The following SCAI variants were observed in gnomAD, a reference collection of about 807,000 sequenced individuals.
SCAI encodes protein SCAI.
A neutral mutation model predicts 92.2 loss-of-function variants in SCAI; 24 were observed. The ratio of observed to expected loss-of-function variants is 0.26; its 90% CI spans 0.19 to 0.37. The LOEUF (loss-of-function observed/expected upper bound fraction) is 0.37, where lower values mean the gene tolerates loss of function less well. Among genes scored for constraint, SCAI ranks in the 10% least tolerant of loss-of-function variants. The pLI is 1.00. For synonymous variants in SCAI, 261 were observed against 258.6 expected (o/e 1.01, Z -0.09); for missense variants, 450 against 736.2 (o/e 0.61, Z 4.50).
chr9:124,989,556 G>A (rs1361704486), intron 14 of SCAI, among the ~76,000 whole-genome samples: 1 of 152,100 alleles, frequency 6.6e-6, no homozygotes, highest in Non-Finnish European at 1.5e-5. Context: ...ACTCCAGCCT[G>A]GGTGACAAGA....
intron 3 of SCAI, 144 bp downstream of exon 3, chr9:125,055,732 T>C (rs1379580405): frequency 4.0e-6 from 2 of 501,944 alleles, no homozygotes; most frequent in South Asian, 4.6e-5. Flanking sequence ...TTAAAAATGA[T>C]GTCAAAGAAA....
chr9:125,098,221 A>AT lies in SCAI; in HGVS notation c.99-42215dup, dbSNP rs897843153. Among the ~76,000 whole-genome samples, 10 of 151,042 alleles carry AT rather than the reference A, an allele frequency of 6.6e-5. No homozygotes were observed. The East Asian group carries it at 9.7e-4, about 15-fold the overall frequency. ...AGATGCACACCACAACACCTGGATA[A>AT]TTTTTTTTTATTTTTTGGAGAGACT... On this transcript the variant is annotated intron_variant, in intron 2 of 17. Transcript: ENST00000336505.
At chr9:125,043,243 T>C (rs1181364499) in intron 3 of SCAI, among the ~76,000 whole-genome samples, 2 of 152,184 alleles carry the variant, frequency 1.3e-5, no homozygotes, top group Admixed American at 6.5e-5. Flanking sequence ...CCAACTTCTC[T>C]GAATCAGGTT....
chr9:125,063,814 C>T (rs978815837), intron 2 of SCAI, among the ~76,000 whole-genome samples: 6 of 150,160 alleles, frequency 4.0e-5, no homozygotes, highest in African/African-American at 1.5e-4. Flanking sequence ...AGTGCAATGG[C>T]GGGATCTCGG....
At chr9:125,015,267 G>T (rs1267174325) in intron 9 of SCAI, among the ~76,000 whole-genome samples, 1 of 152,058 alleles carries the variant, frequency 6.6e-6, no homozygotes, top group South Asian at 2.1e-4. Flanking sequence ...GGGAGAAAAT[G>T]TTCGCAACCT....
chr9:125,095,242 G>A (rs1834522563), intron 2 of SCAI, among the ~76,000 whole-genome samples: 1 of 152,164 alleles, frequency 6.6e-6, no homozygotes, highest in African/African-American at 2.4e-5. Context: ...GCTCCCTGTG[G>A]AGTCAGCTCC....
chr9:125,130,232 C>G (rs536556100), intron 2 of SCAI, among the ~76,000 whole-genome samples: 11 of 152,084 alleles, frequency 7.2e-5, no homozygotes, highest in Non-Finnish European at 1.6e-4. Context: ...CAAATTAACT[C>G]TATCAATTTA....
chr9:124,960,312 T>C (rs1385517321), intron 17 of SCAI, among the ~76,000 whole-genome samples: 1 of 152,104 alleles, frequency 6.6e-6, no homozygotes, highest in Non-Finnish European at 1.5e-5. Context: ...CACTGTAACA[T>C]GGAACTGCTG....
At chr9:125,050,666 G>A (rs996408760) in intron 3 of SCAI, among the ~76,000 whole-genome samples, 12 of 152,000 alleles carry the variant, frequency 7.9e-5, no homozygotes, top group African/African-American at 2.2e-4. Flanking sequence ...TCAAACCCCC[G>A]GGTTCAAGTG....
chr9:125,143,484 C>G lies in SCAI; in HGVS notation c.-47G>C. ...GAGCTGCTCCGGCGGCCGCAGGGCT[C>G]GCTCGGGAAGCTGAGGCGGCGGAGG... On this transcript the variant is annotated 5_prime_UTR_variant, in exon 1 of 18. Coordinates refer to ENST00000336505, the MANE Select transcript of SCAI (RefSeq NM_001144877.3). 1 of 1,316,092 alleles carries G rather than the reference C, an allele frequency of 7.6e-7. No homozygotes were observed. Among genetic ancestry groups the G allele is most frequent in the Non-Finnish European group, 9.7e-7 (1 of 1,032,188 alleles). 81.5% of individuals were successfully genotyped at this position (1,316,092 alleles called of 1,614,324 possible).
At chr9:125,141,075 C>T (rs944758485) in intron 2 of SCAI, among the ~76,000 whole-genome samples, 1 of 152,202 alleles carries the variant, frequency 6.6e-6, no homozygotes, top group East Asian at 1.9e-4. Context: ...AAAATACAGA[C>T]TCACATACCC....
At chr9:125,004,767 ATATATATATATATTTTTTTTTTT>A (rs1157733966) in intron 9 of SCAI, among the ~76,000 whole-genome samples, 16 of 7,444 alleles carry the variant, frequency 2.1e-3, no homozygotes, top group African/African-American at 5.4e-3. Flanking sequence ...ATATATATAT[ATATATATATATATTTTTTTTTTT>A]TTTTTTTTTT....
intron 2 of SCAI, among the ~76,000 whole-genome samples, chr9:125,132,019 G>T (rs548867954): frequency 6.6e-6 from 1 of 151,976 alleles, no homozygotes; most frequent in Non-Finnish European, 1.5e-5. Flanking sequence ...AAAGCAGTTT[G>T]GTCTATTTTT....
At chr9:125,022,550 T>C (rs12003454) in intron 6 of SCAI, among the ~76,000 whole-genome samples, 5,881 of 152,270 alleles carry the variant, frequency 0.039, 381 homozygotes, top group African/African-American at 0.13. Flanking sequence ...TAACTAGGAT[T>C]GCAGGTGTGT....
intron 2 of SCAI, among the ~76,000 whole-genome samples, chr9:125,068,804 G>A (rs770831478): frequency 1.3e-5 from 2 of 152,096 alleles, no homozygotes; most frequent in South Asian, 2.1e-4. Context: ...TATCACCATC[G>A]TTATTATTCT....
In SCAI at chr9:125,143,474, C is replaced by G. The variant is rs2131283045; in HGVS notation, c.-37G>C. On this transcript the variant is annotated 5_prime_UTR_variant, in exon 1 of 18. Coordinates refer to ENST00000336505, the MANE Select transcript of SCAI (RefSeq NM_001144877.3). The stretch of plus-strand genomic sequence containing the variant: ...TCCGCCGCGGGAGCTGCTCCGGCGG[C>G]CGCAGGGCTCGCTCGGGAAGCTGAG... 1 of 1,331,460 alleles carries G rather than the reference C, an allele frequency of 7.5e-7. No individual in the cohort carries two copies. The highest frequency in any genetic ancestry group is 9.6e-7 in the Non-Finnish European group (1 of 1,040,908). The allele number at this position is 1,331,460 out of a possible 1,614,324, so 82.5% of individuals were successfully genotyped here.
At chr9:125,113,819 G>C (rs143410595) in intron 2 of SCAI, among the ~76,000 whole-genome samples, 1 of 151,910 alleles carries the variant, frequency 6.6e-6, no homozygotes, top group Non-Finnish European at 1.5e-5. Context: ...AAAATTAGCC[G>C]GGCGTGGTGG....
In SCAI at chr9:124,982,635, A is replaced by G. The variant is rs1831909363; in HGVS notation, c.1327-6449T>C. Among the ~76,000 whole-genome samples, 7 of 148,764 alleles carry G rather than the reference A, an allele frequency of 4.7e-5. No individual in the cohort carries two copies. In the South Asian group the frequency reaches 1.3e-3, roughly 27 times the overall value. ...GCAGAGGTTGCAGTGAGCTGAGAAC[A>G]TGTCACTGCATCCCAGCCTGGGCAA... On this transcript the variant is annotated intron_variant, in intron 14 of 17. Transcript: ENST00000336505.
intron 2 of SCAI, among the ~76,000 whole-genome samples, chr9:125,106,431 T>C (rs1834802236): frequency 6.6e-6 from 1 of 151,716 alleles, no homozygotes; most frequent in Non-Finnish European, 1.5e-5. Flanking sequence ...TGTCCTCTCT[T>C]GGCACATGTA....
Sources: allele counts gnomAD v4.1 joint callset (sites outside exome capture counted in the v4.1 genomes callset), GRCh38; gene constraint gnomAD v4.1.1; transcripts MANE v1.5; gene names NCBI Gene and HGNC (gene_info 2026-07-23, HGNC 2026-07-21).